Variants in USP3 observed in about 807,000 individuals in gnomAD.
USP3 encodes ubiquitin specific peptidase 3, also known as ubiquitin carboxyl-terminal hydrolase 3.
Under a neutral mutation model 72.3 loss-of-function variants are expected in USP3, and 20 were observed. The observed-to-expected ratio is 0.28, with a 90% confidence interval of 0.19 to 0.40. USP3 has a LOEUF of 0.40. Among genes scored for constraint, USP3 ranks in the 10% least tolerant of loss-of-function variants. The probability of loss-of-function intolerance (pLI) is 1.00; values close to 1 mark genes in which losing one functional copy is unlikely to be tolerated. For synonymous variants in USP3, 222 were observed against 225.3 expected, an observed-to-expected ratio of 0.99 and a Z score of 0.13; for missense variants, 479 against 633.9, an observed-to-expected ratio of 0.76 and a Z score of 2.62.
rs2065683131 is a variant in USP3, at chr15:63,504,644, G to A, written c.-96G>A. On this transcript the variant is annotated 5_prime_UTR_variant, in exon 1 of 15. Transcript: ENST00000380324. The stretch of plus-strand genomic sequence containing the variant: ...GCAGCCGCCGTCGGCCGAGCGCCCG[G>A]CTAGAAGCGACACCAGACGGAGCCT... 1 of 1,117,618 alleles carries A rather than the reference G, an allele frequency of 8.9e-7. No homozygotes were observed. The highest frequency in any genetic ancestry group is 1.2e-6 in the Non-Finnish European group (1 of 819,912). 69.2% of individuals were successfully genotyped at this position (1,117,618 alleles called of 1,614,324 possible). A position where few individuals can be genotyped will look rare whatever the true frequency, so the allele number is the denominator to read the frequency against.
intron 1 of USP3, among the ~76,000 whole-genome samples, chr15:63,509,389 A>C (rs1315591693): frequency 6.6e-6 from 1 of 152,170 alleles, no homozygotes; most frequent in Non-Finnish European, 1.5e-5. Flanking sequence ...TTTCCCCAGA[A>C]TGCTTTCACT....
intron 3 of USP3, among the ~76,000 whole-genome samples, chr15:63,547,732 GA>G (rs2066353266): frequency 2.3e-5 from 1 of 43,448 alleles, no homozygotes; most frequent in African/African-American, 1.0e-4. Flanking sequence ...TAGAGAGAGA[GA>G]GAGAGAGAGA....
At chr15:63,545,024 A>G (rs2066299505) in intron 3 of USP3, among the ~76,000 whole-genome samples, 1 of 152,066 alleles carries the variant, frequency 6.6e-6, no homozygotes, top group African/African-American at 2.4e-5. Flanking sequence ...TATAGAAAGA[A>G]AAGTAGCAAG....
intron 1 of USP3, among the ~76,000 whole-genome samples, chr15:63,519,748 G>T (rs2065893357): frequency 1.3e-5 from 2 of 152,182 alleles, no homozygotes; most frequent in African/African-American, 4.8e-5. Flanking sequence ...ATGATTGCAA[G>T]GTGATGATTT....
chr15:63,528,574 G>A lies in USP3; in HGVS notation c.92-4073G>A, dbSNP rs556542687. Among the ~76,000 whole-genome samples, 1 of 152,234 alleles carries A rather than the reference G, an allele frequency of 6.6e-6. No homozygotes were observed. The highest frequency in any genetic ancestry group is 2.4e-5 in the African/African-American group (1 of 41,524). On this transcript the variant is annotated intron_variant, in intron 1 of 14. Transcript: ENST00000380324. The surrounding 1 kb of genome is among the most constrained non-coding windows in gnomAD (Gnocchi z 4.3). Reference sequence around the variant, plus strand: ...TTATTACTGTGTGGTTTTATTGTGTGGGTATCAGTATGTGTGTGTATATGA... The same window carrying A: ...TTATTACTGTGTGGTTTTATTGTGTAGGTATCAGTATGTGTGTGTATATGA...
At chr15:63,542,802 A>G (rs2066263682) in intron 3 of USP3, among the ~76,000 whole-genome samples, 1 of 152,096 alleles carries the variant, frequency 6.6e-6, no homozygotes, top group Non-Finnish European at 1.5e-5. Flanking sequence ...TCCTGTCATC[A>G]TTTACATGAT....
intron 8 of USP3, among the ~76,000 whole-genome samples, chr15:63,569,524 TAAG>T (rs1358543042): frequency 6.6e-6 from 1 of 152,210 alleles, no homozygotes; most frequent in Non-Finnish European, 1.5e-5. Context: ...TTTTGAATCT[TAAG>T]ATGACACCAG....
At chr15:63,569,832 G>C (rs1308635968) in intron 8 of USP3, among the ~76,000 whole-genome samples, 8 of 152,200 alleles carry the variant, frequency 5.3e-5, no homozygotes, top group African/African-American at 1.4e-4. Flanking sequence ...TTTTAGGATA[G>C]AGCATAACTG....
intron 1 of USP3, among the ~76,000 whole-genome samples, chr15:63,524,247 G>A (rs140447209): frequency 5.4e-4 from 83 of 152,346 alleles, no homozygotes; most frequent in Non-Finnish European, 9.4e-4. Flanking sequence ...TTCTGTTGTA[G>A]AGGGAGTAGT....
At chr15:63,558,466 G>T (rs953471557) in intron 6 of USP3, among the ~76,000 whole-genome samples, 4 of 152,076 alleles carry the variant, frequency 2.6e-5, no homozygotes, top group Non-Finnish European at 4.4e-5. Context: ...TTTTGAATAG[G>T]CTAGAACTGA....
At chr15:63,523,311 A>G (rs2065942219) in intron 1 of USP3, among the ~76,000 whole-genome samples, 1 of 152,160 alleles carries the variant, frequency 6.6e-6, no homozygotes, top group South Asian at 2.1e-4. Flanking sequence ...AGAAGGTGGG[A>G]TTTGACCCAT....
chr15:63,576,863 C>T (rs1183345450), intron 11 of USP3, among the ~76,000 whole-genome samples: 2 of 152,192 alleles, frequency 1.3e-5, no homozygotes, highest in Non-Finnish European at 2.9e-5. Context: ...AAGGGCACTT[C>T]TCTTCTTGGA....
At chr15:63,563,821 CT>C (rs1432829164) in intron 8 of USP3, among the ~76,000 whole-genome samples, 1 of 152,074 alleles carries the variant, frequency 6.6e-6, no homozygotes, top group African/African-American at 2.4e-5. Context: ...GCCCTATTGC[CT>C]AAAAAGATGT....
intron 14 of USP3, among the ~76,000 whole-genome samples, chr15:63,590,044 G>A (rs1157326586): frequency 6.6e-6 from 1 of 152,142 alleles, no homozygotes; most frequent in Non-Finnish European, 1.5e-5. Context: ...TGATTGCCTT[G>A]CTTGTTCTTC....
chr15:63,511,300 T>C (rs2065778769), intron 1 of USP3, among the ~76,000 whole-genome samples: 1 of 125,558 alleles, frequency 8.0e-6, no homozygotes, highest in Admixed American at 8.3e-5. Context: ...TATTTTGTTA[T>C]TCAGTAACTT....
intron 1 of USP3, among the ~76,000 whole-genome samples, chr15:63,518,743 A>G (rs912782671): frequency 4.6e-5 from 7 of 151,490 alleles, no homozygotes; most frequent in Admixed American, 6.6e-5. Context: ...TCCTTTATCC[A>G]TAGTTTTGTT....
chr15:63,513,099 TC>T (rs1451719701), intron 1 of USP3, among the ~76,000 whole-genome samples: 1 of 152,190 alleles, frequency 6.6e-6, no homozygotes, highest in Non-Finnish European at 1.5e-5. Context: ...CTGTTTCCAT[TC>T]TTGAGTAGAA....
intron 3 of USP3, chr15:63,542,226 T>G: frequency 4.1e-6 from 4 of 981,490 alleles, no homozygotes; most frequent in Non-Finnish European, 3.6e-6. Context: ...GTATGACATA[T>G]ATGTTATTCA....
chr15:63,590,729 C>T lies in USP3; in HGVS notation c.1466C>T (p.Thr489Ile), dbSNP rs1454875718. ...EGRWFHFNDS[T>I]VTLTDEETVV... ...CGCTGGTTCCACTTCAATGACAGTA[C>T]TGTAACACTGACTGACGAGGAGACT... is the stretch of plus-strand genomic sequence containing the variant. Residue 489 changes from threonine (T) to isoleucine (I), a missense_variant, in exon 15 of 15, where the codon ACT becomes ATT. Physicochemically the swap from Thr to Ile is moderately conservative, Grantham distance 89. Transcript: ENST00000380324. 5 of 1,614,174 alleles carry T rather than the reference C, an allele frequency of 3.1e-6. No individual in the cohort carries two copies. Among genetic ancestry groups the T allele is most frequent in the East Asian group, 2.2e-5 (1 of 44,870 alleles).
Sources: gnomAD v4.1 joint callset for allele counts (sites outside exome capture counted in the v4.1 genomes callset) on GRCh38, gnomAD v4.1.1 for gene constraint, Gnocchi (gnomAD v3.1) non-coding constraint, MANE v1.5 for transcripts, NCBI Gene and HGNC (gene_info 2026-07-23, HGNC 2026-07-21) for gene names.